The following RXRA variants were observed in gnomAD, a reference collection of about 807,000 sequenced individuals.
The protein encoded by RXRA is retinoic acid receptor RXR-alpha.
A neutral mutation model predicts 44.5 loss-of-function variants in RXRA; 5 were observed. The observed-to-expected ratio is 0.11, with a 90% CI of 0.06 to 0.24. The LOEUF is 0.24. RXRA is among the 10% of genes least tolerant of loss of function. The pLI is 1.00. For missense variants in RXRA, 412 were observed against 646.5 expected (o/e 0.64, Z 3.93); for synonymous variants, 291 against 271.4 (o/e 1.07, Z -0.71).
At position 134,440,102 on chromosome 9, in the gene RXRA, A is replaced by T. The variant is rs1248182380; in HGVS notation, c.*3488A>T. 6.6e-6 allele frequency: 1 copy of T among 152,354 alleles called. No homozygotes were observed. The highest frequency in any genetic ancestry group is 1.9e-4 in the East Asian group (1 of 5,194). 9.4% of individuals were successfully genotyped at this position (152,354 alleles called of 1,614,324 possible). A position where few individuals can be genotyped will look rare whatever the true frequency, so the allele number is the denominator to read the frequency against. ...AGCATCTGGAAAGGTAAAAAAAAAA[A>T]ATCTATTTTTGTACAAATGTAATTT... On this transcript the variant is annotated 3_prime_UTR_variant, in exon 10 of 10. Coordinates refer to ENST00000481739, the MANE Select transcript of RXRA (RefSeq NM_002957.6).
chr9:134,377,905 C>T (rs1281738478), intron 1 of RXRA, among the ~76,000 whole-genome samples: 1 of 152,218 alleles, frequency 6.6e-6, no homozygotes, highest in Non-Finnish European at 1.5e-5. Context: ...TGGGGACCCT[C>T]CTGCTCTGCC....
rs1830101016 is a variant in RXRA, at chr9:134,342,727, TGG to T, written c.28+16070_28+16071del. Among the ~76,000 whole-genome samples, 1 of 152,028 alleles carries T rather than the reference TGG, an allele frequency of 6.6e-6. No homozygotes were observed. The highest frequency in any genetic ancestry group is 2.1e-4 in the South Asian group (1 of 4,824). Reference sequence around the variant, plus strand: ...GCTGGTGTGGGCCGCCCTGACCTGGTGGGTTTGGGGGAACCTGGCCCCATAGG... The same window carrying T: ...GCTGGTGTGGGCCGCCCTGACCTGGTGTTTGGGGGAACCTGGCCCCATAGG... On this transcript the variant is annotated intron_variant, in intron 1 of 9. Transcript: ENST00000481739. This position sits in a 1 kb window ranked among gnomAD's most constrained non-coding sequence, Gnocchi z 4.4.
At chr9:134,431,329 C>G (rs906860356) in intron 7 of RXRA, among the ~76,000 whole-genome samples, 9 of 152,228 alleles carry the variant, frequency 5.9e-5, no homozygotes, top group African/African-American at 2.2e-4. Flanking sequence ...AGGGAGCTGG[C>G]GGGCTTTCCC....
intron 4 of RXRA, among the ~76,000 whole-genome samples, chr9:134,412,321 C>T (rs145260119): frequency 8.5e-5 from 13 of 152,348 alleles, no homozygotes; most frequent in Non-Finnish European, 1.2e-4. Context: ...AGTGGTCCCT[C>T]GGCCCGGTTT....
At chr9:134,397,596 C>T (rs535784334) in intron 1 of RXRA, among the ~76,000 whole-genome samples, 1 of 152,336 alleles carries the variant, frequency 6.6e-6, no homozygotes, top group African/African-American at 2.4e-5. Flanking sequence ...CTGCCGGGAT[C>T]AGGGCCTGCT....
intron 9 of RXRA, among the ~76,000 whole-genome samples, chr9:134,435,460 G>A (rs1034337908): frequency 7.2e-5 from 9 of 124,502 alleles, no homozygotes; most frequent in African/African-American, 1.2e-4. Flanking sequence ...GGACCAACCC[G>A]TGCTCCCTCC....
intron 1 of RXRA, among the ~76,000 whole-genome samples, chr9:134,359,871 A>G (rs1214703194): frequency 6.6e-6 from 1 of 152,108 alleles, no homozygotes; most frequent in Non-Finnish European, 1.5e-5. Context: ...TTGTCCTGCC[A>G]TGCTGGGCAG....
chr9:134,434,609 CTCTCTACAAGTGTGTA>C (rs1166900359), intron 9 of RXRA, among the ~76,000 whole-genome samples: 4 of 152,246 alleles, frequency 2.6e-5, no homozygotes. Flanking sequence ...ATACTAAACA[CTCTCTACAAGTGTGTA>C]CGGAATAGGC....
rs150361039 is a variant in RXRA at position 134,437,391 on chromosome 9, C to G, written c.*777C>G. ...TTCTGGTTTCAGACTCCCGACTCCC[C>G]GTTCAGACCAGAGTGCCCCGGCCCC... On this transcript the variant is annotated 3_prime_UTR_variant, in exon 10 of 10. Coordinates refer to ENST00000481739, the MANE Select transcript of RXRA (RefSeq NM_002957.6). 6.6e-6 allele frequency: 1 copy of G among 152,622 alleles called. No homozygotes were observed. Among genetic ancestry groups the G allele is most frequent in the Admixed American group, 6.5e-5 (1 of 15,292 alleles). 9.5% of individuals were successfully genotyped at this position (152,622 alleles called of 1,614,324 possible).
intron 6 of RXRA, among the ~76,000 whole-genome samples, chr9:134,427,517 T>G (rs1831455048): frequency 6.6e-6 from 1 of 152,200 alleles, no homozygotes; most frequent in Admixed American, 6.5e-5. Flanking sequence ...TCCCTCATTT[T>G]GGTTGCACAG....
intron 1 of RXRA, among the ~76,000 whole-genome samples, chr9:134,345,029 A>G (rs1250393497): frequency 1.3e-5 from 2 of 152,174 alleles, no homozygotes; most frequent in African/African-American, 4.8e-5. Context: ...GACAGCGGCC[A>G]GAATCACGAG....
intron 2 of RXRA, chr9:134,404,835 G>C (rs1831023777): frequency 6.6e-6 from 1 of 152,468 alleles, no homozygotes; most frequent in Non-Finnish European, 1.5e-5. Context: ...CTGGTGGAGA[G>C]ACCCTTCAGG....
intron 1 of RXRA, among the ~76,000 whole-genome samples, chr9:134,338,154 G>A (rs1248317478): frequency 6.6e-6 from 1 of 152,186 alleles, no homozygotes; most frequent in Admixed American, 6.5e-5. Context: ...GGTGTCAGGA[G>A]CCCTGACAGA....
intron 1 of RXRA, among the ~76,000 whole-genome samples, chr9:134,359,130 G>A (rs192297514): frequency 2.0e-4 from 31 of 152,238 alleles, no homozygotes; most frequent in African/African-American, 7.2e-4. Flanking sequence ...AATTGAGGAA[G>A]GCAGAGGTGT....
At chr9:134,413,092 C>T (rs1464020680) in intron 4 of RXRA, among the ~76,000 whole-genome samples, 3 of 152,146 alleles carry the variant, frequency 2.0e-5, no homozygotes, top group Admixed American at 1.3e-4. Flanking sequence ...GTGTGGCCCT[C>T]TTGCCTTCTG....
At chr9:134,409,511 C>T (rs986525060) in intron 4 of RXRA, among the ~76,000 whole-genome samples, 1 of 152,248 alleles carries the variant, frequency 6.6e-6, no homozygotes, top group Non-Finnish European at 1.5e-5. Flanking sequence ...GGCCCCCAGG[C>T]TCTTGGAGCA....
Position 134,408,934 on chromosome 9 carries a change from C to A in RXRA, c.431-6C>A. The A allele has an allele frequency of 6.5e-7, 1 of 1,535,252 alleles. No individual in the cohort carries two copies. On this transcript the variant is annotated splice_region_variant and splice_polypyrimidine_tract_variant and intron_variant, in intron 3 of 9. Coordinates refer to ENST00000481739, the MANE Select transcript of RXRA (RefSeq NM_002957.6). Reference sequence around the variant, plus strand: ...CTCCCCAGCCCTGCTCTGCCCTGTCCCGCAGGCAAGCACTATGGAGTGTAC... The same window carrying A: ...CTCCCCAGCCCTGCTCTGCCCTGTCACGCAGGCAAGCACTATGGAGTGTAC...
intron 1 of RXRA, among the ~76,000 whole-genome samples, chr9:134,398,689 A>C (rs893318242): frequency 6.6e-6 from 1 of 152,218 alleles, no homozygotes; most frequent in Non-Finnish European, 1.5e-5. Flanking sequence ...CCCAGATTAC[A>C]TCTGGAGCAG....
intron 5 of RXRA, among the ~76,000 whole-genome samples, chr9:134,420,084 C>T (rs35995309): frequency 0.013 from 1,974 of 152,296 alleles, 41 homozygotes; most frequent in African/African-American, 0.044. Context: ...CGAGAGTGGC[C>T]GGCTAGTGGC....
Sources: allele counts gnomAD v4.1 joint callset (sites outside exome capture counted in the v4.1 genomes callset), GRCh38; gene constraint gnomAD v4.1.1; non-coding constraint Gnocchi (gnomAD v3.1); transcripts MANE v1.5; gene names NCBI Gene and HGNC (gene_info 2026-07-23, HGNC 2026-07-21).